The following MAEA variants were observed in gnomAD, a reference collection of about 807,000 sequenced individuals.
The protein encoded by MAEA is macrophage erythroblast attacher, E3 ubiquitin ligase.
A neutral mutation model predicts 46.2 loss-of-function variants in MAEA; 22 were observed. The ratio of observed to expected loss-of-function variants is 0.48; its 90% CI spans 0.34 to 0.68. The LOEUF (loss-of-function observed/expected upper bound fraction) is 0.68. MAEA is among the 30% of genes least tolerant of loss of function. The probability of loss-of-function intolerance (pLI) is 0.01; values close to 1 mark genes in which losing one functional copy is unlikely to be tolerated. For synonymous variants in MAEA, 246 were observed against 222.6 expected, an observed-to-expected ratio of 1.11 and a Z score of -0.94; for missense variants, 393 against 558.1, an observed-to-expected ratio of 0.70 and a Z score of 2.98.
chr4:1,322,605 G>A, intron 4 of MAEA, 102 bp downstream of exon 4: 49 of 1,497,184 alleles, frequency 3.3e-5, no homozygotes, highest in Non-Finnish European at 4.4e-5. Context: ...CAGTAGTTTG[G>A]TTTTGGTTTG....
At chr4:1,329,269 T>G (rs957373579) in intron 5 of MAEA, 1 of 983,052 alleles carries the variant, frequency 1.0e-6, no homozygotes, top group Non-Finnish European at 1.2e-6. Flanking sequence ...TTTACCTGTG[T>G]TCCCCCCGCT....
chr4:1,326,323 C>G (rs2108975669), intron 4 of MAEA, among the ~76,000 whole-genome samples: 1 of 152,342 alleles, frequency 6.6e-6, no homozygotes, highest in South Asian at 2.1e-4. Context: ...CGGCCCCAGC[C>G]CAAGACTCGC....
chr4:1,303,522 C>T (rs1051585819), intron 1 of MAEA, among the ~76,000 whole-genome samples: 9 of 152,086 alleles, frequency 5.9e-5, no homozygotes, highest in South Asian at 2.1e-4. Flanking sequence ...AGGAGTGGAG[C>T]GTCGCTGTAT....
intron 4 of MAEA, among the ~76,000 whole-genome samples, chr4:1,324,973 G>A (rs1052022509): frequency 2.6e-5 from 4 of 151,988 alleles, no homozygotes; most frequent in Admixed American, 6.6e-5. Flanking sequence ...GAGACTGGAC[G>A]GGGCCTGAAT....
rs771060227 is a variant in MAEA, at chr4:1,339,094, A to G, written c.1116A>G (p.Gln372=). Reference sequence around the variant, plus strand: ...TTCAGTCTCTGCTTTCTATCCGTCAAGATGATAAAGTCGTGTGCCCGAGAA... The same window carrying G: ...TTCAGTCTCTGCTTTCTATCCGTCAGGATGATAAAGTCGTGTGCCCGAGAA... The part of the protein sequence containing the change: ...YGYNSLLSIR[Q]DDKVVCPRTK... The change falls in exon 9 of 9, where the codon CAA becomes CAG. Residue 372 remains glutamine (Q), a synonymous_variant. Transcript: ENST00000303400. 3.1e-6 allele frequency: 5 copies of G among 1,613,978 alleles called. No individual in the cohort carries two copies. The highest frequency in any genetic ancestry group is 1.1e-5 in the South Asian group (1 of 91,090).
chr4:1,328,530 C>G (rs1470037582), intron 5 of MAEA: 12 of 919,740 alleles, frequency 1.3e-5, no homozygotes, highest in Non-Finnish European at 1.7e-5. Flanking sequence ...GTGGGCCTGG[C>G]TGGCCCTCAG....
chr4:1,313,133 A>T (rs142560411), intron 2 of MAEA, among the ~76,000 whole-genome samples: 4 of 152,306 alleles, frequency 2.6e-5, no homozygotes, highest in Non-Finnish European at 5.9e-5. Flanking sequence ...CGTTCAGAGG[A>T]CTGGGATGAT....
intron 5 of MAEA, chr4:1,331,533 C>G (rs1020651189): frequency 6.6e-6 from 1 of 152,618 alleles, no homozygotes; most frequent in African/African-American, 2.4e-5. Flanking sequence ...CCAAGGCCAC[C>G]GTGAGCGCCT....
At chr4:1,294,674 G>A (rs1164577344) in intron 1 of MAEA, among the ~76,000 whole-genome samples, 7 of 151,982 alleles carry the variant, frequency 4.6e-5, no homozygotes, top group African/African-American at 1.5e-4. Flanking sequence ...ATGATGGGGA[G>A]ACAAGTGAGG....
intron 1 of MAEA, among the ~76,000 whole-genome samples, chr4:1,290,502 G>T (rs1733991493): frequency 6.6e-6 from 1 of 152,228 alleles, no homozygotes; most frequent in South Asian, 2.1e-4. Context: ...TTGCCGTCCG[G>T]CTGCCGGTTG....
intron 1 of MAEA, among the ~76,000 whole-genome samples, chr4:1,305,372 C>G (rs889084586): frequency 6.6e-6 from 1 of 152,204 alleles, no homozygotes; most frequent in African/African-American, 2.4e-5. Flanking sequence ...CCAGGCGGCG[C>G]GGCCCTCCGT....
At chr4:1,335,308 T>A in intron 6 of MAEA, 1 of 985,502 alleles carries the variant, frequency 1.0e-6, no homozygotes, top group Non-Finnish European at 1.2e-6. Flanking sequence ...GTGAGTCTAT[T>A]TTTTGTCACA....
chr4:1,320,321 A>T (rs978395759), intron 3 of MAEA, among the ~76,000 whole-genome samples: 5 of 151,768 alleles, frequency 3.3e-5, no homozygotes, highest in Admixed American at 2.6e-4. Context: ...AATGCTATGA[A>T]GGGGCTTCAG....
intron 2 of MAEA, 57 bp downstream of exon 2, chr4:1,312,218 C>A (rs546182620): frequency 1.9e-6 from 3 of 1,596,448 alleles, no homozygotes; most frequent in Admixed American, 3.4e-5. Context: ...CCTTTTGTCT[C>A]GAAAATGAGT....
intron 2 of MAEA, among the ~76,000 whole-genome samples, chr4:1,314,885 A>G (rs12501739): frequency 1.9e-4 from 29 of 152,200 alleles, no homozygotes; most frequent in Admixed American, 3.9e-4. Context: ...TGTGCTGTCA[A>G]ATTTTTAGCG....
Position 1,290,033 on chromosome 4 carries a change from G to A in MAEA, c.69+51G>A, listed in dbSNP as rs771864045. 8.8e-5 allele frequency: 128 copies of A among 1,448,172 alleles called. No individual in the cohort carries two copies. In the East Asian group the frequency reaches 3.7e-3, roughly 42 times the overall value. The allele number at this position is 1,448,172 out of a possible 1,614,324, so 89.7% of individuals were successfully genotyped here. A position where few individuals can be genotyped will look rare whatever the true frequency, so the allele number is the denominator to read the frequency against. ...AGGGCAGCGAAGGCGTCTCCAGCCA[G>A]TGCCCTCGGGCCGCGAGGGGCCGCC... On this transcript the variant is annotated intron_variant, in intron 1 of 8. Coordinates refer to ENST00000303400, the MANE Select transcript of MAEA (RefSeq NM_001017405.3).
At chr4:1,319,116 C>G (rs574701782) in intron 3 of MAEA, among the ~76,000 whole-genome samples, 30 of 152,192 alleles carry the variant, frequency 2.0e-4, no homozygotes, top group Non-Finnish European at 3.4e-4. Context: ...CTCTGGGAGG[C>G]TGAGGCGAGC....
rs1737373550 is a variant in MAEA at position 1,317,187 on chromosome 4, CCAGCCCCCACACTCCAGACTCACCCGCA to C, written c.456+1588_456+1615del. ...CTCCAGACTCACCTGCAGGCCCACC[CCAGCCCCCACACTCCAGACTCACCCGCA>C]GGCTCACCCCAGCCCCCACACTCCA... On this transcript the variant is annotated intron_variant, in intron 3 of 8. Transcript: ENST00000303400. 7.5e-5 allele frequency among the ~76,000 whole-genome samples: 5 copies of C among 66,464 alleles called. 1 individual carries two copies. The highest frequency in any genetic ancestry group is 1.3e-4 in the Non-Finnish European group (5 of 37,524). 43.6% of individuals were successfully genotyped at this position (66,464 alleles called of 152,430 possible).
Position 1,324,690 on chromosome 4 carries a change from G to A in MAEA, c.579+2187G>A, listed in dbSNP as rs376767230. Among the ~76,000 whole-genome samples the A allele has an allele frequency of 3.7e-3, 329 of 89,476 alleles. 7 individuals are homozygous for A. The highest frequency in any genetic ancestry group is 0.012 in the East Asian group (18 of 1,518). The allele number at this position is 89,476 out of a possible 152,430, so 58.7% of individuals were successfully genotyped here. A position where few individuals can be genotyped will look rare whatever the true frequency, so the allele number is the denominator to read the frequency against. ...TGGATGAGTGTGTCTGGTGTTGGATGAAGTTGAGATTGGATGCCTGGTGGA... is the reference window on the plus strand; with the variant it reads ...TGGATGAGTGTGTCTGGTGTTGGATAAAGTTGAGATTGGATGCCTGGTGGA... On this transcript the variant is annotated intron_variant, in intron 4 of 8. Coordinates refer to ENST00000303400, the MANE Select transcript of MAEA (RefSeq NM_001017405.3).
Sources: gnomAD v4.1 joint callset for allele counts (sites outside exome capture counted in the v4.1 genomes callset) on GRCh38, gnomAD v4.1.1 for gene constraint, MANE v1.5 for transcripts, NCBI Gene and HGNC (gene_info 2026-07-23, HGNC 2026-07-21) for gene names.